The following SLC2A9 variants were observed in gnomAD, a reference collection of about 807,000 sequenced individuals.
SLC2A9 encodes the protein solute carrier family 2, facilitated glucose transporter member 9.
In SLC2A9, 39 loss-of-function variants were observed where a neutral mutation model predicts 50.6. The observed-to-expected ratio is 0.77, with a 90% confidence interval of 0.60 to 1.01. The LOEUF (loss-of-function observed/expected upper bound fraction) is 1.01, where lower values mean the gene tolerates loss of function less well. Ranked by LOEUF, SLC2A9 falls within the 50% of genes least tolerant of loss-of-function variation. The pLI, the probability that SLC2A9 is intolerant of heterozygous loss-of-function variation, is 0.00. For synonymous variants in SLC2A9, 324 were observed against 276.9 expected, an observed-to-expected ratio of 1.17 and a Z score of -1.69; for missense variants, 686 against 677.6, an observed-to-expected ratio of 1.01 and a Z score of -0.14.
At position 9,980,731 on chromosome 4, in the gene SLC2A9, G is replaced by T. The variant is rs1348758411; in HGVS notation, c.542C>A (p.Ala181Asp). Residue 181 changes from alanine (A) to aspartate (D), a missense_variant, in exon 5 of 12, where the codon GCC (alanine) becomes GAC (aspartate). Transcript: ENST00000264784. Reference sequence around the variant, plus strand: ...AAGGTACATGGGGAGCACACTGAGGGCGACGCCTGTAGAGAGAAAGCATAG... The same window carrying T: ...AAGGTACATGGGGAGCACACTGAGGTCGACGCCTGTAGAGAGAAAGCATAG... ...RFIMGIDGGVALSVLPMYLSE... is the reference protein window; with the variant it reads ...RFIMGIDGGVDLSVLPMYLSE... The T allele has an allele frequency of 1.9e-6, 3 of 1,614,060 alleles. No homozygotes were observed.
chr4:9,850,069 G>C (rs1014665247), intron 10 of SLC2A9, among the ~76,000 whole-genome samples: 2 of 151,976 alleles, frequency 1.3e-5, no homozygotes, highest in African/African-American at 2.4e-5. Flanking sequence ...AGAGTGGATA[G>C]AGGGAGGATA....
At chr4:9,935,233 A>G (rs1439073445) in intron 6 of SLC2A9, among the ~76,000 whole-genome samples, 1 of 152,180 alleles carries the variant, frequency 6.6e-6, no homozygotes, top group Non-Finnish European at 1.5e-5. Context: ...GAATCACCAC[A>G]CTGCCTTCCT....
In SLC2A9 at chr4:9,783,038, A is replaced by T. The variant is rs768720947; in HGVS notation, n.386-2973T>A. 9 of 1,614,104 alleles carry T rather than the reference A, an allele frequency of 5.6e-6. No homozygotes were observed. The Admixed American group carries it at 1.2e-4, about 21-fold the overall frequency. On this transcript the variant is annotated intron_variant and non_coding_transcript_variant, in intron 3 of 3. Coordinates refer to the SLC2A9 transcript ENST00000503803. ...CCCTCCGGCCGGCTTCCCCTGCGTCAGTGAGACCACCTTCGACGTCTTCGT... is the reference window on the plus strand; with the variant it reads ...CCCTCCGGCCGGCTTCCCCTGCGTCTGTGAGACCACCTTCGACGTCTTCGT...
Position 9,879,733 on chromosome 4 carries a change from C to G in SLC2A9, c.1291+7834G>C, listed in dbSNP as rs930827577. ...TCCCCATAGAGGACTTAACTTGGTG[C>G]CAGGCACAGAGTCAGGGCTTCATGT... is the stretch of plus-strand genomic sequence containing the variant. On this transcript the variant is annotated intron_variant, in intron 10 of 11. Transcript: ENST00000264784. The G allele has an allele frequency of 1.1e-5, 11 of 985,258 alleles. No individual in the cohort carries two copies. The African/African-American group carries it at 1.7e-4, about 16-fold the overall frequency. 61.0% of individuals were successfully genotyped at this position (985,258 alleles called of 1,614,324 possible).
intron 5 of SLC2A9, among the ~76,000 whole-genome samples, chr4:9,957,250 A>G (rs987006904): frequency 1.3e-5 from 2 of 152,090 alleles, no homozygotes; most frequent in Non-Finnish European, 2.9e-5. Context: ...CTCAGTAATC[A>G]GCAGTGAATC....
At chr4:9,783,220 C>T (rs752116292) in intron 3 of SLC2A9, 29 of 1,614,112 alleles carry the variant, frequency 1.8e-5, no homozygotes, top group Non-Finnish European at 2.1e-5. Flanking sequence ...TCTCCTACAA[C>T]CAAGACATCG....
At position 9,904,820 on chromosome 4, in the gene SLC2A9, TTCA is replaced by T. The variant is rs1243353543; in HGVS notation, c.1113+3412_1113+3414del. Among the ~76,000 whole-genome samples, 16 of 152,288 alleles carry T rather than the reference TTCA, an allele frequency of 1.1e-4. No homozygotes were observed. The East Asian group carries it at 2.9e-3, about 28-fold the overall frequency. On this transcript the variant is annotated intron_variant, in intron 8 of 11. Transcript: ENST00000264784. ...CTCTCAACCTCATGCTGAATTTAGT[TTCA>T]TGCCTTTCCAGGAATTGGGGTCAAT...
chr4:9,909,284 T>C (rs1376791947), intron 7 of SLC2A9, among the ~76,000 whole-genome samples: 1 of 152,210 alleles, frequency 6.6e-6, no homozygotes, highest in Non-Finnish European at 1.5e-5. Flanking sequence ...TGAGGACTTT[T>C]GAGAGTGTTG....
chr4:9,935,077 T>C (rs1291909629), intron 6 of SLC2A9, among the ~76,000 whole-genome samples: 3 of 152,228 alleles, frequency 2.0e-5, no homozygotes, highest in Non-Finnish European at 4.4e-5. Flanking sequence ...TTTGGATTGG[T>C]TCCATGTCTT....
At chr4:9,777,127 C>T (rs1211547105), downstream of SLC2A9, among the ~76,000 whole-genome samples, 1 of 151,990 alleles carries the variant, frequency 6.6e-6, no homozygotes, top group Non-Finnish European at 1.5e-5. Context: ...GTTTATTTCT[C>T]TCTCCTCAAT....
At chr4:9,850,839 C>T (rs561837467) in intron 10 of SLC2A9, among the ~76,000 whole-genome samples, 18 of 152,114 alleles carry the variant, frequency 1.2e-4, no homozygotes, top group African/African-American at 4.1e-4. Context: ...CCCTGCTGTG[C>T]CCCCTACTGA....
intron 2 of SLC2A9, among the ~76,000 whole-genome samples, chr4:10,018,550 A>AGATAGATAGAT (rs200967335): frequency 0.13 from 16,085 of 126,684 alleles, 728 homozygotes; most frequent in South Asian, 0.17. Flanking sequence ...CAAAGATGAT[A>AGATAGATAGAT]GATAGATAGA....
intron 1 of SLC2A9, among the ~76,000 whole-genome samples, chr4:10,026,817 G>A (rs1560508844): frequency 6.6e-6 from 1 of 152,206 alleles, no homozygotes; most frequent in Non-Finnish European, 1.5e-5. Flanking sequence ...GCCGAGGCGG[G>A]TGGATCACCT....
At chr4:9,979,204 G>C (rs1441732380) in intron 5 of SLC2A9, among the ~76,000 whole-genome samples, 1 of 152,154 alleles carries the variant, frequency 6.6e-6, no homozygotes, top group Non-Finnish European at 1.5e-5. Flanking sequence ...TGAGAGCTCT[G>C]TCCCTTACCT....
chr4:9,893,736 G>A (rs780609333), intron 8 of SLC2A9, among the ~76,000 whole-genome samples: 2 of 152,142 alleles, frequency 1.3e-5, no homozygotes, highest in Non-Finnish European at 2.9e-5. Context: ...CTGGGTCCTA[G>A]TGCCAGGAGG....
At chr4:9,999,172 C>G (rs1156353659) in intron 2 of SLC2A9, among the ~76,000 whole-genome samples, 1 of 151,172 alleles carries the variant, frequency 6.6e-6, no homozygotes, top group Non-Finnish European at 1.5e-5. Context: ...TTCAGCCTCC[C>G]GAGTAGCTGA....
chr4:9,984,448 C>T (rs923022906), intron 4 of SLC2A9, among the ~76,000 whole-genome samples: 1 of 151,992 alleles, frequency 6.6e-6, no homozygotes, highest in Non-Finnish European at 1.5e-5. Flanking sequence ...GAGAGAGAGA[C>T]AGAGTGTGTG....
chr4:9,838,212 TGAA>T (rs1041793357), intron 10 of SLC2A9, among the ~76,000 whole-genome samples: 1 of 152,088 alleles, frequency 6.6e-6, no homozygotes, highest in African/African-American at 2.4e-5. Flanking sequence ...GTGATGGTGA[TGAA>T]GAAGATGATG....
chr4:9,986,420 T>C (rs1232511794), intron 3 of SLC2A9, among the ~76,000 whole-genome samples: 1 of 152,162 alleles, frequency 6.6e-6, no homozygotes, highest in Non-Finnish European at 1.5e-5. Context: ...CAGACAAACA[T>C]GAAAAAGCTA....
Sources: gnomAD v4.1 joint callset for allele counts (sites outside exome capture counted in the v4.1 genomes callset) on GRCh38, gnomAD v4.1.1 for gene constraint, MANE v1.5 for transcripts, NCBI Gene and HGNC (gene_info 2026-07-23, HGNC 2026-07-21) for gene names.